Variants in HECW1 observed in about 807,000 individuals in gnomAD.
HECW1 encodes the protein E3 ubiquitin-protein ligase HECW1.
A neutral mutation model predicts 182.3 loss-of-function variants in HECW1; 61 were observed. The ratio of observed to expected loss-of-function variants is 0.33; its 90% CI spans 0.27 to 0.41. HECW1 has a LOEUF of 0.41. Ranked by LOEUF, HECW1 falls within the 10% of genes least tolerant of loss-of-function variation. The probability of loss-of-function intolerance (pLI) is 1.00; values close to 1 mark genes in which losing one functional copy is unlikely to be tolerated. For missense variants in HECW1, 1,739 were observed against 2,108.9 expected, an observed-to-expected ratio of 0.82 and a Z score of 3.44; for synonymous variants, 859 against 832.6, an observed-to-expected ratio of 1.03 and a Z score of -0.55.
Position 43,552,299 on chromosome 7 carries a change from C to T in HECW1, c.4473C>T (p.Asp1491=). The part of the protein sequence containing the change: ...ELVIAGTAEI[D]LNDWRNNTEY... Reference sequence around the variant, plus strand: ...TGATAGCTGGCACCGCGGAAATCGACCTAAATGACTGGCGGAATAACACTG... The same window carrying T: ...TGATAGCTGGCACCGCGGAAATCGATCTAAATGACTGGCGGAATAACACTG... Residue 1491 remains aspartate (D), a synonymous_variant, in exon 28 of 30, where the codon GAC becomes GAT. Transcript: ENST00000395891. The T allele has an allele frequency of 6.2e-7, 1 of 1,613,774 alleles. No individual in the cohort carries two copies. Among genetic ancestry groups the T allele is most frequent in the Non-Finnish European group, 8.5e-7 (1 of 1,179,754 alleles).
In HECW1 at chr7:43,185,367, C is replaced by T. The variant is rs112040128; in HGVS notation, c.-31-58508C>T. Among the ~76,000 whole-genome samples, 320 of 152,266 alleles carry T rather than the reference C, an allele frequency of 2.1e-3. 1 individual carries two copies. The highest frequency in any genetic ancestry group is 7.4e-3 in the African/African-American group (309 of 41,540). On this transcript the variant is annotated intron_variant, in intron 2 of 29. Transcript: ENST00000395891. ...GTGTTTCACTGAGTTCTGTAAGCTC[C>T]TCCAGCAAATTAATCAAACTCGAGG...
At chr7:43,266,431 G>C (rs1284775594) in intron 3 of HECW1, among the ~76,000 whole-genome samples, 1 of 152,152 alleles carries the variant, frequency 6.6e-6, no homozygotes, top group Non-Finnish European at 1.5e-5. Flanking sequence ...CGCCTCCCGG[G>C]TTCAAGCAAT....
chr7:43,486,396 G>T (rs1032702204), intron 17 of HECW1, among the ~76,000 whole-genome samples: 8 of 151,988 alleles, frequency 5.3e-5, no homozygotes, highest in Non-Finnish European at 8.8e-5. Context: ...CCTCCTCCTG[G>T]GTTCAAGTGA....
intron 5 of HECW1, among the ~76,000 whole-genome samples, chr7:43,333,714 C>T (rs1811778067): frequency 6.6e-6 from 1 of 152,152 alleles, no homozygotes; most frequent in African/African-American, 2.4e-5. Context: ...CCTATAGATG[C>T]CCCTGAGCCC....
intron 7 of HECW1, among the ~76,000 whole-genome samples, chr7:43,402,463 C>A (rs2152841714): frequency 6.6e-6 from 1 of 152,230 alleles, no homozygotes; most frequent in East Asian, 1.9e-4. Context: ...TTCACAAGTT[C>A]TAAGGGGAGA....
chr7:43,560,034 G>C (rs1006089472), intron 29 of HECW1, among the ~76,000 whole-genome samples: 5 of 152,126 alleles, frequency 3.3e-5, no homozygotes, highest in African/African-American at 7.2e-5. Context: ...TTCCACTCAT[G>C]AGTGCCAGTT....
At chr7:43,137,242 T>C (rs554775793) in intron 2 of HECW1, among the ~76,000 whole-genome samples, 2 of 152,278 alleles carry the variant, frequency 1.3e-5, no homozygotes, top group Non-Finnish European at 2.9e-5. Context: ...CCAGCAGGCA[T>C]GTCAATCCCA....
chr7:43,118,767 T>G lies in HECW1; in HGVS notation c.-32+4376T>G, dbSNP rs570993508. On this transcript the variant is annotated intron_variant, in intron 2 of 29. Coordinates refer to ENST00000395891, the MANE Select transcript of HECW1 (RefSeq NM_015052.5). ...GATTGTTGCCAGCTTTATTTCCCCCTGCCTACCCCCAGCATTGTCCTTGGT... is the reference window on the plus strand; with the variant it reads ...GATTGTTGCCAGCTTTATTTCCCCCGGCCTACCCCCAGCATTGTCCTTGGT... 1.2e-4 allele frequency among the ~76,000 whole-genome samples: 19 copies of G among 152,264 alleles called. No homozygotes were observed. In the East Asian group the frequency reaches 1.7e-3, roughly 14 times the overall value.
At chr7:43,351,884 A>T (rs949513289) in intron 5 of HECW1, among the ~76,000 whole-genome samples, 7 of 152,064 alleles carry the variant, frequency 4.6e-5, no homozygotes, top group Non-Finnish European at 8.8e-5. Context: ...GCTTGAGATG[A>T]TTCAGAGGGC....
At chr7:43,499,975 C>T (rs2079273567) in intron 19 of HECW1, among the ~76,000 whole-genome samples, 1 of 152,094 alleles carries the variant, frequency 6.6e-6, no homozygotes, top group Non-Finnish European at 1.5e-5. Flanking sequence ...TTCTTGGGGC[C>T]GGGCCCCCTC....
intron 3 of HECW1, among the ~76,000 whole-genome samples, chr7:43,284,879 G>T (rs1464869567): frequency 6.6e-6 from 1 of 152,104 alleles, no homozygotes; most frequent in East Asian, 1.9e-4. Flanking sequence ...AACACCCAAG[G>T]TTGCAGATCT....
intron 3 of HECW1, among the ~76,000 whole-genome samples, chr7:43,271,047 G>T (rs1802346090): frequency 6.6e-6 from 1 of 152,066 alleles, no homozygotes; most frequent in African/African-American, 2.4e-5. Context: ...TAATATACAG[G>T]TTTAATGCAA....
intron 7 of HECW1, among the ~76,000 whole-genome samples, chr7:43,402,434 G>A (rs1021058065): frequency 6.6e-6 from 1 of 152,118 alleles, no homozygotes; most frequent in Non-Finnish European, 1.5e-5. Flanking sequence ...CTGTGAGGGG[G>A]GTCAGGGAAC....
intron 26 of HECW1, among the ~76,000 whole-genome samples, chr7:43,548,212 A>G (rs957492004): frequency 8.5e-5 from 13 of 152,148 alleles, no homozygotes; most frequent in Non-Finnish European, 2.9e-5. Flanking sequence ...ACTAGTATCT[A>G]CATATATTTT....
In HECW1 at chr7:43,114,156, G is replaced by T; in HGVS notation, c.-266-1G>T. 1 of 1,001,188 alleles carries T rather than the reference G, an allele frequency of 1.0e-6. No homozygotes were observed. Among genetic ancestry groups the T allele is most frequent in the Non-Finnish European group, 1.3e-6 (1 of 745,046 alleles). The allele number at this position is 1,001,188 out of a possible 1,614,324, so 62.0% of individuals were successfully genotyped here. A position where few individuals can be genotyped will look rare whatever the true frequency, so the allele number is the denominator to read the frequency against. ...TGTTTTCCCCCCTTCTCTTTGAAAA[G>T]ATATCAATGCTATGTTCAGCAGAAA... On this transcript the variant is annotated splice_acceptor_variant, in intron 1 of 29. Coordinates refer to ENST00000395891, the MANE Select transcript of HECW1 (RefSeq NM_015052.5). LOFTEE classifies it low-confidence loss of function (5UTR_SPLICE).
intron 27 of HECW1, among the ~76,000 whole-genome samples, chr7:43,551,978 C>T (rs201987920): frequency 6.7e-6 from 1 of 149,622 alleles, no homozygotes; most frequent in Admixed American, 6.7e-5. Flanking sequence ...AGCACCCCCC[C>T]AAAGGCCCCA....
intron 5 of HECW1, among the ~76,000 whole-genome samples, chr7:43,328,459 T>C (rs370958178): frequency 6.4e-4 from 97 of 152,286 alleles, no homozygotes; most frequent in African/African-American, 2.2e-3. Flanking sequence ...TTGCTGCTGG[T>C]CCCTGTCTGA....
rs1799077369 is a variant in HECW1 at position 43,243,507 on chromosome 7, G to GTCAT, written c.-31-368_-31-367insTCAT. On this transcript the variant is annotated intron_variant, in intron 2 of 29. Coordinates refer to ENST00000395891, the MANE Select transcript of HECW1 (RefSeq NM_015052.5). This position sits in a 1 kb window ranked among gnomAD's most constrained non-coding sequence, Gnocchi z 4.0. ...GCTTCAGGAGTGGATCATATGTGAG[G>GTCAT]ATGCTTTTCGCTGGCCTTCTCAGAC... 6.6e-6 allele frequency among the ~76,000 whole-genome samples: 1 copy of GTCAT among 152,042 alleles called. No homozygotes were observed. Among genetic ancestry groups the GTCAT allele is most frequent in the Non-Finnish European group, 1.5e-5 (1 of 68,016 alleles).
At chr7:43,548,115 T>G (rs112520074) in intron 26 of HECW1, among the ~76,000 whole-genome samples, 9 of 152,376 alleles carry the variant, frequency 5.9e-5, no homozygotes, top group African/African-American at 2.2e-4. Context: ...GTACAGGCTC[T>G]AAGTGTTTGT....
Sources: gnomAD v4.1 joint callset for allele counts (sites outside exome capture counted in the v4.1 genomes callset) on GRCh38, gnomAD v4.1.1 for gene constraint, Gnocchi (gnomAD v3.1) non-coding constraint, MANE v1.5 for transcripts, NCBI Gene and HGNC (gene_info 2026-07-23, HGNC 2026-07-21) for gene names.